ASB18: variants seen among roughly 807,000 people sequenced by gnomAD.
The protein encoded by ASB18 is ankyrin repeat and SOCS box protein 18.
A neutral mutation model predicts 33.4 loss-of-function variants in ASB18; 33 were observed. The observed-to-expected ratio is 0.99, with a 90% CI of 0.75 to 1.32. The LOEUF is 1.32. ASB18 is among the 40% of genes most tolerant of loss of function. ASB18 has a pLI of 0.00. For missense variants in ASB18, 694 were observed against 655.5 expected (o/e 1.06, Z -0.64); for synonymous variants, 295 against 307.6 (o/e 0.96, Z 0.43).
intron 1 of ASB18, among the ~76,000 whole-genome samples, chr2:236,242,637 A>G (rs540771472): frequency 1.9e-4 from 29 of 152,102 alleles, no homozygotes; most frequent in African/African-American, 5.8e-4. Context: ...TTTTTTTTAA[A>G]TTATTTTTCG....
intron 4 of ASB18, among the ~76,000 whole-genome samples, chr2:236,202,795 ATAT>A (rs1402586495): frequency 0.021 from 2,107 of 101,014 alleles, 101 homozygotes; most frequent in African/African-American, 0.091. Context: ...AAAAAAAAAA[ATAT>A]ATATATATAT....
chr2:236,227,854 C>G (rs998771795), intron 3 of ASB18, among the ~76,000 whole-genome samples: 5 of 152,304 alleles, frequency 3.3e-5, no homozygotes, highest in African/African-American at 1.2e-4. Flanking sequence ...ATATTCTGGT[C>G]CAATGTTTGA....
rs1386740322 is a variant in ASB18 at position 236,237,382 on chromosome 2, G to T, written c.596+307C>A. ...GGGGCGGGGGCCGGGGCCGGGGCGC[G>T]GGGCGGGGGCCGGGGCCGGGGCGCG... On this transcript the variant is annotated intron_variant, in intron 3 of 5. Coordinates refer to ENST00000409749, the MANE Select transcript of ASB18 (RefSeq NM_212556.4). This position sits in a 1 kb window ranked among gnomAD's most constrained non-coding sequence, Gnocchi z 6.2. Among the ~76,000 whole-genome samples the T allele has an allele frequency of 3.3e-5, 2 of 59,776 alleles. No homozygotes were observed. Among genetic ancestry groups the T allele is most frequent in the Admixed American group, 1.5e-4 (1 of 6,870 alleles). 39.2% of individuals were successfully genotyped at this position (59,776 alleles called of 152,430 possible).
At position 236,220,462 on chromosome 2, in the gene ASB18, G is replaced by C. The variant is rs914407486; in HGVS notation, c.597-5596C>G. Among the ~76,000 whole-genome samples the C allele has an allele frequency of 6.6e-6, 1 of 151,890 alleles. No individual in the cohort carries two copies. Among genetic ancestry groups the C allele is most frequent in the Non-Finnish European group, 1.5e-5 (1 of 68,008 alleles). On this transcript the variant is annotated intron_variant, in intron 3 of 5. Coordinates refer to ENST00000409749, the MANE Select transcript of ASB18 (RefSeq NM_212556.4). This position sits in a 1 kb window ranked among gnomAD's most constrained non-coding sequence, Gnocchi z 5.1. ...CACTCTCTCGTCTCCCCTGCCTCCTGATCACCCTCTTTATTCAAAGCCCTG... is the reference window on the plus strand; with the variant it reads ...CACTCTCTCGTCTCCCCTGCCTCCTCATCACCCTCTTTATTCAAAGCCCTG...
At chr2:236,242,470 T>C (rs988469021) in intron 1 of ASB18, among the ~76,000 whole-genome samples, 7 of 152,166 alleles carry the variant, frequency 4.6e-5, no homozygotes, top group African/African-American at 1.7e-4. Flanking sequence ...CTATGAATTG[T>C]TTGTACATTT....
rs956427629 is a variant in ASB18, at chr2:236,216,134, C to T, written c.597-1268G>A. Among the ~76,000 whole-genome samples, 1 of 152,178 alleles carries T rather than the reference C, an allele frequency of 6.6e-6. No homozygotes were observed. Among genetic ancestry groups the T allele is most frequent in the African/African-American group, 2.4e-5 (1 of 41,440 alleles). ...TTCTTCACCCCCCTCCTTTTCTCTG[C>T]GGGTCTGCCGAGCCCTGTTGGAGGA... On this transcript the variant is annotated intron_variant, in intron 3 of 5. Transcript: ENST00000409749. This position sits in a 1 kb window ranked among gnomAD's most constrained non-coding sequence, Gnocchi z 6.1.
Position 236,237,822 on chromosome 2 carries a change from C to T in ASB18, c.463G>A (p.Ala155Thr). The T allele has an allele frequency of 7.3e-7, 1 of 1,371,990 alleles. No homozygotes were observed. Among genetic ancestry groups the T allele is most frequent in the Non-Finnish European group, 9.3e-7 (1 of 1,073,758 alleles). 85.0% of individuals were successfully genotyped at this position (1,371,990 alleles called of 1,614,324 possible). A position where few individuals can be genotyped will look rare whatever the true frequency, so the allele number is the denominator to read the frequency against. ...CCCCCGAGGCAGGCCTCGTGCAGGG[C>T]GCCGCGGCCGCCGGGGCTGGCGTCT... ...DPDASPGGRG[A>T]LHEACLGGHT... The change falls in exon 3 of 6, where the codon GCC becomes ACC. Residue 155 changes from alanine to threonine, a missense_variant. Transcript: ENST00000409749. The surrounding 1 kb of genome is among the most constrained non-coding windows in gnomAD (Gnocchi z 6.2).
chr2:236,237,932 C>G lies in ASB18; in HGVS notation c.353G>C (p.Arg118Pro). 3 of 1,504,860 alleles carry G rather than the reference C, an allele frequency of 2.0e-6. No homozygotes were observed. Among genetic ancestry groups the G allele is most frequent in the Non-Finnish European group, 2.6e-6 (3 of 1,133,114 alleles). The allele number at this position is 1,504,860 out of a possible 1,614,324, so 93.2% of individuals were successfully genotyped here. The change falls in exon 3 of 6, where the codon CGT becomes CCT. Residue 118 changes from arginine (R) to proline (P), a missense_variant. Physicochemically the swap from Arg to Pro is moderately radical, Grantham distance 103. Transcript: ENST00000409749. This position sits in a 1 kb window ranked among gnomAD's most constrained non-coding sequence, Gnocchi z 6.2. ...LSGLWTLEYK[R>P]ELTTPLCIAA... The stretch of plus-strand genomic sequence containing the variant: ...GATGCACAGGGGCGTGGTGAGCTCA[C>G]GCTTGTACTCCAGGGTCCAGAGGCC...
intron 1 of ASB18, among the ~76,000 whole-genome samples, chr2:236,246,455 C>G (rs948656728): frequency 6.6e-6 from 1 of 150,752 alleles, no homozygotes; most frequent in Non-Finnish European, 1.5e-5. Flanking sequence ...TCTCCCTTAT[C>G]CACATCATCA....
In ASB18 at chr2:236,244,377, C is replaced by T. The variant is rs959077320; in HGVS notation, c.206-2975G>A. On this transcript the variant is annotated intron_variant, in intron 1 of 5. Coordinates refer to ENST00000409749, the MANE Select transcript of ASB18 (RefSeq NM_212556.4). The surrounding 1 kb of genome is among the most constrained non-coding windows in gnomAD (Gnocchi z 6.1). ...CAGGGAGGCGGGCATAGCATAAGCC[C>T]CCATTTGCTCACAGCCAGTGTTAGA... 1.3e-5 allele frequency among the ~76,000 whole-genome samples: 2 copies of T among 152,180 alleles called. No homozygotes were observed. The highest frequency in any genetic ancestry group is 4.8e-5 in the African/African-American group (2 of 41,444).
intron 4 of ASB18, among the ~76,000 whole-genome samples, chr2:236,212,177 T>C (rs2060461662): frequency 6.6e-6 from 1 of 152,132 alleles, no homozygotes; most frequent in Non-Finnish European, 1.5e-5. Flanking sequence ...GTACAACAAA[T>C]CTAAACCTAC....
Position 236,237,625 on chromosome 2 carries a change from G to T in ASB18, c.596+64C>A, listed in dbSNP as rs1432812509. The T allele has an allele frequency of 5.4e-6, 7 of 1,288,190 alleles. No homozygotes were observed. The highest frequency in any genetic ancestry group is 4.7e-5 in the African/African-American group (3 of 63,392). The allele number at this position is 1,288,190 out of a possible 1,614,324, so 79.8% of individuals were successfully genotyped here. The stretch of plus-strand genomic sequence containing the variant: ...CGGAGGCGGGGTCGGCGGTCTCGTG[G>T]GGGGAGGCGGGCGTCTGGTCTCGGG... On this transcript the variant is annotated intron_variant, in intron 3 of 5. Transcript: ENST00000409749. The surrounding 1 kb of genome is among the most constrained non-coding windows in gnomAD (Gnocchi z 6.2).
rs1163882437 is a variant in ASB18 at position 236,256,217 on chromosome 2, G to A, written c.205+7924C>T. Among the ~76,000 whole-genome samples, 1 of 151,986 alleles carries A rather than the reference G, an allele frequency of 6.6e-6. No homozygotes were observed. The highest frequency in any genetic ancestry group is 1.9e-4 in the East Asian group (1 of 5,154). ...AATTGGTGTATTTTTTGTAGAGATA[G>A]AGTCTTGCCATGTTGCTCAGGCTGG... On this transcript the variant is annotated intron_variant, in intron 1 of 5. Transcript: ENST00000409749. This position sits in a 1 kb window ranked among gnomAD's most constrained non-coding sequence, Gnocchi z 4.7.
rs187454346 is a variant in ASB18, at chr2:236,207,312, T to C, written c.1101+7050A>G. ...TCTGACTGTGCTGTTAGTTTCTTGG[T>C]GTAACTATCTCCTCCATCTTCCTTT... On this transcript the variant is annotated intron_variant, in intron 4 of 5. Transcript: ENST00000409749. Among the ~76,000 whole-genome samples the C allele has an allele frequency of 3.2e-4, 48 of 152,344 alleles. 1 individual carries two copies. Among genetic ancestry groups the C allele is most frequent in the African/African-American group, 1.1e-3 (47 of 41,592 alleles).
intron 4 of ASB18, among the ~76,000 whole-genome samples, chr2:236,201,905 T>G (rs1217390828): frequency 6.7e-6 from 1 of 150,222 alleles, no homozygotes; most frequent in Non-Finnish European, 1.5e-5. Context: ...TATTTGCATA[T>G]TGATATAAAA....
chr2:236,264,314 G>A lies in ASB18; in HGVS notation c.32C>T (p.Pro11Leu), dbSNP rs200159870. The change falls in exon 1 of 6, where the codon CCA becomes CTA. Residue 11 changes from proline to leucine, a missense_variant. By Grantham distance (98) the Pro-to-Leu change is moderately conservative. Coordinates refer to ENST00000409749, the MANE Select transcript of ASB18 (RefSeq NM_212556.4). The surrounding 1 kb of genome is among the most constrained non-coding windows in gnomAD (Gnocchi z 5.1). The stretch of plus-strand genomic sequence containing the variant: ...TCTCTTCACTAAATCTGAGTTGAGT[G>A]GGTAGTCGGGAAGGTAATCCGAGTT... MSNSDYLPDYPLNSDLVKRLK... is the reference protein window; with the variant it reads MSNSDYLPDYLLNSDLVKRLK... The A allele has an allele frequency of 7.2e-5, 117 of 1,613,870 alleles. No individual in the cohort carries two copies. Among genetic ancestry groups the A allele is most frequent in the Non-Finnish European group, 8.8e-5 (104 of 1,179,878 alleles).
rs778488936 is a variant in ASB18 at position 236,251,990 on chromosome 2, G to T, written c.206-10588C>A. On this transcript the variant is annotated intron_variant, in intron 1 of 5. Transcript: ENST00000409749. This position sits in a 1 kb window ranked among gnomAD's most constrained non-coding sequence, Gnocchi z 5.3. Reference sequence around the variant, plus strand: ...TACAGAAATAAATAGTAGAAATCTGGCCGGGCATGGTGGCTCATGCCTGTA... The same window carrying T: ...TACAGAAATAAATAGTAGAAATCTGTCCGGGCATGGTGGCTCATGCCTGTA... 5.3e-5 allele frequency among the ~76,000 whole-genome samples: 8 copies of T among 152,122 alleles called. No homozygotes were observed. The highest frequency in any genetic ancestry group is 1.0e-4 in the Non-Finnish European group (7 of 68,018).
chr2:236,236,515 G>C (rs2060589845), intron 3 of ASB18, among the ~76,000 whole-genome samples: 1 of 152,174 alleles, frequency 6.6e-6, no homozygotes, highest in Admixed American at 6.5e-5. Context: ...AACACGTGCC[G>C]CTTGCTGAAT....
Position 236,255,916 on chromosome 2 carries a change from A to G in ASB18, c.205+8225T>C, listed in dbSNP as rs976344041. Among the ~76,000 whole-genome samples the G allele has an allele frequency of 6.6e-6, 1 of 152,170 alleles. No individual in the cohort carries two copies. The highest frequency in any genetic ancestry group is 1.5e-5 in the Non-Finnish European group (1 of 68,046). ...TCTGGGCTTCCTTCCTTTGGATCAC[A>G]GCCTCCCAGGAACATGCTCCTGTTT... is the stretch of plus-strand genomic sequence containing the variant. On this transcript the variant is annotated intron_variant, in intron 1 of 5. Coordinates refer to ENST00000409749, the MANE Select transcript of ASB18 (RefSeq NM_212556.4). This position sits in a 1 kb window ranked among gnomAD's most constrained non-coding sequence, Gnocchi z 4.4.
Sources: gnomAD v4.1 joint callset for allele counts (sites outside exome capture counted in the v4.1 genomes callset) on GRCh38, gnomAD v4.1.1 for gene constraint, Gnocchi (gnomAD v3.1) non-coding constraint, MANE v1.5 for transcripts, NCBI Gene and HGNC (gene_info 2026-07-23, HGNC 2026-07-21) for gene names.